The following ATG10 variants were observed in gnomAD, a reference collection of about 807,000 sequenced individuals.
ATG10 encodes ubiquitin-like-conjugating enzyme ATG10.
In ATG10, 30 loss-of-function variants were observed where a neutral mutation model predicts 32.1. That is an observed-to-expected ratio of 0.94 (90% CI 0.70 to 1.27). The LOEUF (loss-of-function observed/expected upper bound fraction) is 1.27, where lower values mean the gene tolerates loss of function less well. ATG10 is among the 50% of genes most tolerant of loss of function. The probability of loss-of-function intolerance (pLI) is 0.00; values close to 1 mark genes in which losing one functional copy is unlikely to be tolerated. For missense variants in ATG10, 233 were observed against 262.3 expected, an observed-to-expected ratio of 0.89 and a Z score of 0.77; for synonymous variants, 87 against 91.5, an observed-to-expected ratio of 0.95 and a Z score of 0.28.
At chr5:82,220,598 C>T (rs938886600) in intron 5 of ATG10, among the ~76,000 whole-genome samples, 1 of 149,526 alleles carries the variant, frequency 6.7e-6, no homozygotes, top group Non-Finnish European at 1.5e-5. Flanking sequence ...TGTGTTTTAA[C>T]TTCTCTCCCT....
intron 2 of ATG10, among the ~76,000 whole-genome samples, chr5:82,044,828 T>A (rs1763188996): frequency 1.3e-5 from 2 of 152,220 alleles, no homozygotes; most frequent in Admixed American, 6.5e-5. Context: ...TGTTTCTTGC[T>A]AGGTATCAGT....
intron 2 of ATG10, among the ~76,000 whole-genome samples, chr5:82,018,061 C>T (rs901094550): frequency 1.8e-4 from 27 of 152,150 alleles, no homozygotes; most frequent in Non-Finnish European, 3.1e-4. Context: ...CCAGATGTCT[C>T]TCCCTTAAGG....
chr5:82,058,981 A>AT (rs925891229), intron 3 of ATG10, among the ~76,000 whole-genome samples: 7 of 151,408 alleles, frequency 4.6e-5, no homozygotes, highest in African/African-American at 1.5e-4. Context: ...TTGTCTATTG[A>AT]TTTTTTTTTC....
At chr5:82,150,206 C>T (rs529167712) in intron 3 of ATG10, among the ~76,000 whole-genome samples, 155 of 151,202 alleles carry the variant, frequency 1.0e-3, no homozygotes, top group Non-Finnish European at 1.8e-3. Flanking sequence ...CTTCTCAATT[C>T]ATTTAGGAAA....
intron 3 of ATG10, among the ~76,000 whole-genome samples, chr5:82,125,576 A>G (rs1487040815): frequency 6.6e-6 from 1 of 152,118 alleles, no homozygotes; most frequent in Non-Finnish European, 1.5e-5. Flanking sequence ...CAAAGATCAG[A>G]TGGTTGTAGA....
intron 1 of ATG10, among the ~76,000 whole-genome samples, chr5:81,982,195 C>T (rs964091116): frequency 2.0e-5 from 3 of 152,184 alleles, no homozygotes; most frequent in South Asian, 2.1e-4. Context: ...TGGTGGCTCA[C>T]GCCTATAATC....
At chr5:82,031,558 G>A (rs774504282) in intron 2 of ATG10, among the ~76,000 whole-genome samples, 9 of 152,214 alleles carry the variant, frequency 5.9e-5, no homozygotes, top group Non-Finnish European at 1.2e-4. Context: ...CCCTGGCAAC[G>A]GGGCTCCCTT....
intron 5 of ATG10, among the ~76,000 whole-genome samples, chr5:82,240,192 T>C: frequency 6.6e-6 from 1 of 152,046 alleles, no homozygotes; most frequent in Non-Finnish European, 1.5e-5. Flanking sequence ...AGAAAGGAAA[T>C]CAGCATGTGA....
At chr5:81,977,861 A>G (rs1235402335) in intron 1 of ATG10, among the ~76,000 whole-genome samples, 1 of 152,232 alleles carries the variant, frequency 6.6e-6, no homozygotes, top group Admixed American at 6.5e-5. Flanking sequence ...AAACTTGTGG[A>G]AATAGAAGGC....
intron 4 of ATG10, among the ~76,000 whole-genome samples, chr5:82,171,860 A>T (rs1340509190): frequency 1.3e-5 from 2 of 152,242 alleles, no homozygotes; most frequent in African/African-American, 4.8e-5. Flanking sequence ...TAAGGCATGG[A>T]TATGTTTCTG....
At position 82,197,760 on chromosome 5, in the gene ATG10, A is replaced by G. The variant is rs151033200; in HGVS notation, c.453+19173A>G. 6.6e-3 allele frequency among the ~76,000 whole-genome samples: 978 copies of G among 147,378 alleles called. 9 individuals carry two copies. The highest frequency in any genetic ancestry group is 0.024 in the African/African-American group (929 of 38,298). On this transcript the variant is annotated intron_variant, in intron 5 of 7. Coordinates refer to ENST00000282185, the MANE Select transcript of ATG10 (RefSeq NM_031482.5). ...TATCTATCTATCTATCTATCTATCT[A>G]TCTATCTATCTATCTCTATAGATAA...
intron 3 of ATG10, among the ~76,000 whole-genome samples, chr5:82,118,387 C>CATATATATATATATATATATATATAT (rs71605823): frequency 0.07 from 5,505 of 78,922 alleles, 524 homozygotes; most frequent in African/African-American, 0.1. Flanking sequence ...AATATATGTA[C>CATATATATATATATATATATATATAT]ATATATATAT....
At chr5:82,013,313 T>A (rs1453555406) in intron 2 of ATG10, among the ~76,000 whole-genome samples, 3 of 152,208 alleles carry the variant, frequency 2.0e-5, no homozygotes, top group Non-Finnish European at 4.4e-5. Flanking sequence ...AGTGAGAACA[T>A]ACGATGTTTG....
At chr5:82,140,164 C>T (rs1581733507) in intron 3 of ATG10, among the ~76,000 whole-genome samples, 2 of 98,540 alleles carry the variant, frequency 2.0e-5, no homozygotes, top group East Asian at 3.5e-4. Flanking sequence ...CCCCTCTGCC[C>T]GGCCAGCCGC....
At chr5:82,024,584 C>T (rs1762541702) in intron 2 of ATG10, among the ~76,000 whole-genome samples, 1 of 152,080 alleles carries the variant, frequency 6.6e-6, no homozygotes, top group African/African-American at 2.4e-5. Context: ...TGATCTTTCA[C>T]CACAGATGGT....
At chr5:82,184,228 T>C (rs1327946538) in intron 5 of ATG10, among the ~76,000 whole-genome samples, 1 of 151,542 alleles carries the variant, frequency 6.6e-6, no homozygotes, top group East Asian at 1.9e-4. Context: ...TGATTTTCCA[T>C]TAGAGGTTAC....
At chr5:82,190,713 G>T (rs1248622026) in intron 5 of ATG10, among the ~76,000 whole-genome samples, 2 of 130,116 alleles carry the variant, frequency 1.5e-5, no homozygotes, top group African/African-American at 2.9e-5. Context: ...GGCAGAGCTT[G>T]CAGTGAGCCG....
At chr5:81,994,857 C>G (rs976223408) in intron 2 of ATG10, among the ~76,000 whole-genome samples, 4 of 152,126 alleles carry the variant, frequency 2.6e-5, no homozygotes, top group African/African-American at 9.7e-5. Flanking sequence ...ATGGTCAGTG[C>G]ATGTTTGTCA....
chr5:82,152,113 A>G (rs1366452363), intron 3 of ATG10, among the ~76,000 whole-genome samples: 1 of 152,258 alleles, frequency 6.6e-6, no homozygotes, highest in African/African-American at 2.4e-5. Flanking sequence ...AAATGTCTGC[A>G]CCATTACTAA....
Sources: allele counts gnomAD v4.1 joint callset (sites outside exome capture counted in the v4.1 genomes callset), GRCh38; gene constraint gnomAD v4.1.1; transcripts MANE v1.5; gene names NCBI Gene and HGNC (gene_info 2026-07-23, HGNC 2026-07-21).